SOX5: variants seen among roughly 807,000 people sequenced by gnomAD.
The protein encoded by SOX5 is transcription factor SOX-5.
SOX5 carries 9 observed loss-of-function variants against 92.0 expected under a neutral mutation model. The observed-to-expected ratio is 0.10, with a 90% CI of 0.06 to 0.17. The LOEUF is 0.17. Ranked by LOEUF, SOX5 falls within the 10% of genes least tolerant of loss-of-function variation. SOX5 has a pLI of 1.00. For synonymous variants in SOX5, 344 were observed against 336.3 expected, an observed-to-expected ratio of 1.02 and a Z score of -0.25; for missense variants, 642 against 944.5, an observed-to-expected ratio of 0.68 and a Z score of 4.20.
At position 23,846,183 on chromosome 12, in the gene SOX5, C is replaced by T. The variant is rs773037489; in HGVS notation, c.281G>A (p.Gly94Asp). ...GGCAAATGAAGACATAACTTTATTG[C>T]CATCAACTTCCTGAAAGAGAAAGCA... The part of the protein sequence containing the change: ...TSQHNTMEVD[G>D]NKVMSSFAPH... Residue 94 changes from glycine to aspartate, a missense_variant, in exon 3 of 15, where the codon GGC becomes GAC. Physicochemically the swap from Gly to Asp is moderately conservative, Grantham distance 94. This residue lies in a region of SOX5 where 113 missense variants were observed against 117.7 expected (regional missense o/e 0.96). Coordinates refer to ENST00000451604, the MANE Select transcript of SOX5 (RefSeq NM_006940.6). The T allele has an allele frequency of 6.2e-7, 1 of 1,612,948 alleles. No individual in the cohort carries two copies. Among genetic ancestry groups the T allele is most frequent in the South Asian group, 1.1e-5 (1 of 91,058 alleles).
At chr12:23,843,553 CCT>C (rs2096541694) in intron 3 of SOX5, among the ~76,000 whole-genome samples, 1 of 98,678 alleles carries the variant, frequency 1.0e-5, no homozygotes, top group Non-Finnish European at 1.9e-5. Context: ...AGTCATTTCT[CCT>C]TTTTTTTTTT....
At chr12:23,818,653 A>G (rs995237528) in intron 3 of SOX5, among the ~76,000 whole-genome samples, 2 of 152,196 alleles carry the variant, frequency 1.3e-5, no homozygotes, top group African/African-American at 2.4e-5. Context: ...AAGCTTTTAA[A>G]TTAATTTTAT....
At chr12:23,766,836 T>C (rs969974299) in intron 3 of SOX5, among the ~76,000 whole-genome samples, 1 of 152,158 alleles carries the variant, frequency 6.6e-6, no homozygotes, top group Non-Finnish European at 1.5e-5. Context: ...ATATTGTATA[T>C]AATTTATTAT....
At chr12:23,761,982 A>G (rs891940890) in intron 3 of SOX5, among the ~76,000 whole-genome samples, 2 of 152,148 alleles carry the variant, frequency 1.3e-5, no homozygotes, top group Non-Finnish European at 2.9e-5. Flanking sequence ...TAAGTTATGT[A>G]TAATAAAATT....
chr12:24,336,788 T>C (rs1014078753), intron 2 of SOX5, among the ~76,000 whole-genome samples: 3 of 152,200 alleles, frequency 2.0e-5, no homozygotes, highest in African/African-American at 7.2e-5. Context: ...GAGGACAACC[T>C]GTAGGCATAG....
intron 11 of SOX5, among the ~76,000 whole-genome samples, chr12:23,558,047 A>T (rs1032782267): frequency 4.6e-5 from 7 of 151,754 alleles, no homozygotes; most frequent in African/African-American, 1.7e-4. Flanking sequence ...TAACAATTAT[A>T]AGACAAACAA....
At chr12:24,023,415 A>T (rs1954535871) in intron 4 of SOX5, among the ~76,000 whole-genome samples, 1 of 152,154 alleles carries the variant, frequency 6.6e-6, no homozygotes, top group African/African-American at 2.4e-5. Context: ...GAAGCTGTCC[A>T]AATCCCAGTA....
chr12:23,934,242 A>G (rs918959356), intron 1 of SOX5, among the ~76,000 whole-genome samples: 4 of 151,496 alleles, frequency 2.6e-5, no homozygotes, highest in African/African-American at 9.6e-5. Context: ...TTAGAAAATA[A>G]TAAACATAAA....
At chr12:24,051,760 T>G (rs1159466028) in intron 4 of SOX5, among the ~76,000 whole-genome samples, 1 of 152,222 alleles carries the variant, frequency 6.6e-6, no homozygotes, top group East Asian at 1.9e-4. Flanking sequence ...AATTCTCTTT[T>G]GTTAATCCAA....
At chr12:23,741,339 T>C (rs1177702903) in intron 4 of SOX5, among the ~76,000 whole-genome samples, 2 of 152,208 alleles carry the variant, frequency 1.3e-5, no homozygotes, top group African/African-American at 2.4e-5. Flanking sequence ...TAATAATCTA[T>C]AGTTTTTTTT....
At chr12:23,872,767 G>A (rs7132369) in intron 2 of SOX5, among the ~76,000 whole-genome samples, 67,630 of 151,878 alleles carry the variant, frequency 0.45, 15,195 homozygotes, top group East Asian at 0.56. Flanking sequence ...TTAGATAGTT[G>A]GGAAGATCGA....
At chr12:24,499,252 G>A (rs1054953499) in intron 1 of SOX5, among the ~76,000 whole-genome samples, 7 of 152,142 alleles carry the variant, frequency 4.6e-5, no homozygotes, top group African/African-American at 4.8e-5. Flanking sequence ...CCTGCCTGGC[G>A]CTAAGAATAT....
At chr12:24,076,595 T>C (rs888130708) in intron 4 of SOX5, among the ~76,000 whole-genome samples, 3 of 152,150 alleles carry the variant, frequency 2.0e-5, no homozygotes, top group African/African-American at 7.2e-5. Flanking sequence ...AGAATCTTTT[T>C]CCATGTGAAA....
At chr12:23,812,410 TA>T (rs2095891664) in intron 3 of SOX5, among the ~76,000 whole-genome samples, 2 of 152,122 alleles carry the variant, frequency 1.3e-5, no homozygotes. Context: ...TGTCTATCAG[TA>T]ATTTGTTCTT....
intron 2 of SOX5, among the ~76,000 whole-genome samples, chr12:24,322,841 G>T (rs1224194317): frequency 6.6e-6 from 1 of 151,948 alleles, no homozygotes; most frequent in East Asian, 1.9e-4. Context: ...TAATGTTGTT[G>T]TTGTTTTTTA....
chr12:24,234,028 C>A (rs1963949913), intron 3 of SOX5, among the ~76,000 whole-genome samples: 1 of 152,154 alleles, frequency 6.6e-6, no homozygotes, highest in Non-Finnish European at 1.5e-5. Flanking sequence ...TTTGGTCTGT[C>A]CAAATCTACA....
chr12:24,448,922 T>C (rs1027472479), intron 1 of SOX5, among the ~76,000 whole-genome samples: 6 of 152,094 alleles, frequency 3.9e-5, no homozygotes, highest in African/African-American at 1.4e-4. Context: ...CATCCAAACC[T>C]GCACCTCCCT....
intron 4 of SOX5, among the ~76,000 whole-genome samples, chr12:24,087,779 T>G (rs75009315): frequency 6.6e-6 from 1 of 150,722 alleles, no homozygotes; most frequent in South Asian, 2.1e-4. Context: ...ATTTTTTTTT[T>G]GTATAGGAAA....
chr12:24,192,711 G>A (rs1375530362), intron 4 of SOX5, among the ~76,000 whole-genome samples: 2 of 152,138 alleles, frequency 1.3e-5, no homozygotes, highest in African/African-American at 2.4e-5. Context: ...ACATTCTTGG[G>A]CTCAGATAGA....
Sources: gnomAD v4.1 joint callset for allele counts (sites outside exome capture counted in the v4.1 genomes callset) on GRCh38, gnomAD v4.1.1 for gene constraint, gnomAD v4.1.1 regional missense constraint, MANE v1.5 for transcripts, NCBI Gene and HGNC (gene_info 2026-07-23, HGNC 2026-07-21) for gene names.